WDR76: variants seen among roughly 807,000 people sequenced by gnomAD.
WDR76 encodes the protein WD repeat domain 76.
In WDR76, 52 loss-of-function variants were observed where a neutral mutation model predicts 70.2. The observed-to-expected ratio is 0.74, with a 90% confidence interval of 0.59 to 0.93. The LOEUF (loss-of-function observed/expected upper bound fraction) is 0.93. Ranked by LOEUF, WDR76 falls within the 40% of genes least tolerant of loss-of-function variation. The pLI is 0.00. For missense variants in WDR76, 756 were observed against 760.2 expected (o/e 0.99, Z 0.07); for synonymous variants, 292 against 271.1 (o/e 1.08, Z -0.76).
intron 12 of WDR76, chr15:43,864,149 T>C (rs541209233): frequency 1.3e-5 from 2 of 152,246 alleles, no homozygotes; most frequent in Non-Finnish European, 2.9e-5. Flanking sequence ...CCGTTATGTG[T>C]ATATACTACG....
intron 10 of WDR76, chr15:43,857,652 T>G: frequency 2.5e-6 from 1 of 394,810 alleles, no homozygotes; most frequent in Non-Finnish European, 3.4e-6. Flanking sequence ...AGACCCTGTC[T>G]CTACTAAAAA....
In WDR76 at chr15:43,836,024, T is replaced by G. The variant is rs1395919893; in HGVS notation, c.553-137T>G. On this transcript the variant is annotated intron_variant, in intron 3 of 12. Transcript: ENST00000263795. ...GGCTGGAGTACAGTGGCGCTGATCATGACTCATGGCCTATCTTAAGGATCT... is the reference window on the plus strand; with the variant it reads ...GGCTGGAGTACAGTGGCGCTGATCAGGACTCATGGCCTATCTTAAGGATCT... 2.0e-5 allele frequency: 13 copies of G among 646,130 alleles called. 1 individual carries two copies. Among genetic ancestry groups the G allele is most frequent in the Middle Eastern group, 4.6e-4 (1 of 2,184 alleles). The allele number at this position is 646,130 out of a possible 1,614,324, so 40.0% of individuals were successfully genotyped here.
At chr15:43,844,404 G>C (rs1209268833) in intron 8 of WDR76, among the ~76,000 whole-genome samples, 1 of 150,856 alleles carries the variant, frequency 6.6e-6, no homozygotes, top group African/African-American at 2.4e-5. Context: ...GATCACCTGA[G>C]GTCAGGAGTT....
At position 43,858,609 on chromosome 15, in the gene WDR76, C is replaced by T; in HGVS notation, c.1410-62C>T. The T allele has an allele frequency of 3.2e-6, 5 of 1,571,812 alleles. No individual in the cohort carries two copies. In the South Asian group the frequency reaches 3.6e-5, roughly 11 times the overall value. ...TGTGAGTGTCTAACTTATGTTTAGC[C>T]CTGTTGTAGAGGTTCATTACATGTA... On this transcript the variant is annotated intron_variant, in intron 10 of 12. Transcript: ENST00000263795.
chr15:43,832,341 G>A (rs941829187), intron 2 of WDR76, among the ~76,000 whole-genome samples: 3 of 151,892 alleles, frequency 2.0e-5, no homozygotes, highest in African/African-American at 4.8e-5. Context: ...TTATAATCAA[G>A]CCAATGCACT....
At chr15:43,863,164 C>T (rs1428898169) in intron 12 of WDR76, among the ~76,000 whole-genome samples, 1 of 151,950 alleles carries the variant, frequency 6.6e-6, no homozygotes, top group Non-Finnish European at 1.5e-5. Context: ...TTTTGAACTT[C>T]TGGCCTCAAG....
intron 12 of WDR76, among the ~76,000 whole-genome samples, chr15:43,865,312 G>A (rs775915200): frequency 2.6e-5 from 4 of 151,798 alleles, no homozygotes; most frequent in African/African-American, 4.8e-5. Context: ...TCACTCTGTT[G>A]CCCAGGCTGG....
Position 43,835,605 on chromosome 15 carries a change from C to T in WDR76, c.552+455C>T, listed in dbSNP as rs1271236991. Among the ~76,000 whole-genome samples, 5 of 151,316 alleles carry T rather than the reference C, an allele frequency of 3.3e-5. No homozygotes were observed. In the East Asian group the frequency reaches 9.7e-4, roughly 29 times the overall value. ...GGGTAAAATTGGAGCAGGTTTTGTGCTTAATAGGAAGAGGTTACTGTACTC... is the reference window on the plus strand; with the variant it reads ...GGGTAAAATTGGAGCAGGTTTTGTGTTTAATAGGAAGAGGTTACTGTACTC... On this transcript the variant is annotated intron_variant, in intron 3 of 12. Transcript: ENST00000263795.
intron 8 of WDR76, among the ~76,000 whole-genome samples, chr15:43,845,337 TAATCCCTATGGTATTAGGAGGTAGGAC>T: frequency 6.7e-6 from 1 of 150,354 alleles, no homozygotes; most frequent in Non-Finnish European, 1.5e-5. Flanking sequence ...GTTGAAATAC[TAATCCCTATGGTATTAGGAGGTAGGAC>T]CTTTGGGAGG....
intron 12 of WDR76, among the ~76,000 whole-genome samples, chr15:43,865,719 T>C (rs1443488725): frequency 2.0e-5 from 3 of 152,218 alleles, no homozygotes; most frequent in Non-Finnish European, 4.4e-5. Context: ...ATGTATATTT[T>C]TAAAAAATTT....
chr15:43,850,334 C>T (rs1442567438), intron 8 of WDR76, among the ~76,000 whole-genome samples: 1 of 151,002 alleles, frequency 6.6e-6, no homozygotes, highest in Non-Finnish European at 1.5e-5. Flanking sequence ...CTTGCTCTGT[C>T]ACCCAGGCTG....
chr15:43,862,305 A>C (rs868321277), intron 12 of WDR76, among the ~76,000 whole-genome samples: 47 of 64,088 alleles, frequency 7.3e-4, no homozygotes, highest in Middle Eastern at 9.8e-3. Flanking sequence ...TTTCAGGTCC[A>C]CAATTTTTTT....
At chr15:43,858,357 C>G (rs1357580346) in intron 10 of WDR76, 1 of 199,150 alleles carries the variant, frequency 5.0e-6, no homozygotes, top group Non-Finnish European at 1.0e-5. Context: ...CAGGTTCAAG[C>G]AATTCTCCTG....
intron 4 of WDR76, among the ~76,000 whole-genome samples, chr15:43,837,877 CTT>C (rs11340939): frequency 2.4e-3 from 245 of 102,692 alleles, no homozygotes; most frequent in Admixed American, 3.7e-3. Context: ...TTATTTATTG[CTT>C]TTTTTTTTTT....
intron 8 of WDR76, among the ~76,000 whole-genome samples, chr15:43,849,539 G>A (rs1336569677): frequency 6.6e-6 from 1 of 151,920 alleles, no homozygotes; most frequent in Non-Finnish European, 1.5e-5. Flanking sequence ...TTTTAGATTT[G>A]GAATGATTTT....
chr15:43,832,342 C>T (rs2087599508), intron 2 of WDR76, among the ~76,000 whole-genome samples: 1 of 151,840 alleles, frequency 6.6e-6, no homozygotes, highest in Non-Finnish European at 1.5e-5. Context: ...TATAATCAAG[C>T]CAATGCACTT....
At chr15:43,862,276 C>CTTT in intron 12 of WDR76, among the ~76,000 whole-genome samples, 2 of 42,148 alleles carry the variant, frequency 4.7e-5, no homozygotes, top group Non-Finnish European at 9.3e-5. Context: ...TTATCAGTTT[C>CTTT]TTTTTTTTTT....
At chr15:43,837,755 T>G (rs1477099109) in intron 4 of WDR76, among the ~76,000 whole-genome samples, 1 of 152,156 alleles carries the variant, frequency 6.6e-6, no homozygotes, top group Non-Finnish European at 1.5e-5. Context: ...GTCCCATCCA[T>G]GTACCTGCCA....
chr15:43,861,927 C>G (rs1361973028), intron 12 of WDR76, among the ~76,000 whole-genome samples: 1 of 147,544 alleles, frequency 6.8e-6, no homozygotes, highest in African/African-American at 2.5e-5. Flanking sequence ...ATCTTCACCT[C>G]TTAGGTTCAA....
Sources: gnomAD v4.1 joint callset for allele counts (sites outside exome capture counted in the v4.1 genomes callset) on GRCh38, gnomAD v4.1.1 for gene constraint, MANE v1.5 for transcripts, NCBI Gene and HGNC (gene_info 2026-07-23, HGNC 2026-07-21) for gene names.